Variants in USP12 observed in about 807,000 individuals in gnomAD.
USP12 encodes ubiquitin carboxyl-terminal hydrolase 12.
USP12 carries 19 observed loss-of-function variants against 45.5 expected under a neutral mutation model. The observed-to-expected ratio is 0.42, with a 90% CI of 0.29 to 0.61. The LOEUF (loss-of-function observed/expected upper bound fraction) is 0.61. USP12 is among the 20% of genes least tolerant of loss of function. The pLI, the probability that USP12 is intolerant of heterozygous loss-of-function variation, is 0.22. For synonymous variants in USP12, 149 were observed against 148.8 expected (o/e 1.00, Z -0.01); for missense variants, 242 against 447.7 (o/e 0.54, Z 4.15).
chr13:27,139,441 C>T lies in USP12; in HGVS notation c.49-22845G>A, dbSNP rs1306611001. Among the ~76,000 whole-genome samples the T allele has an allele frequency of 3.9e-5, 6 of 152,276 alleles. No individual in the cohort carries two copies. The South Asian group carries it at 6.2e-4, about 16-fold the overall frequency. On this transcript the variant is annotated intron_variant, in intron 1 of 8. Transcript: ENST00000282344. Reference sequence around the variant, plus strand: ...GACCAGCCTGGGCAACATGGTGAAACCCCATCTCTACTAAAAATACAAAAA... The same window carrying T: ...GACCAGCCTGGGCAACATGGTGAAATCCCATCTCTACTAAAAATACAAAAA...
intron 6 of USP12, among the ~76,000 whole-genome samples, chr13:27,087,653 A>T (rs908842449): frequency 6.6e-6 from 1 of 152,212 alleles, no homozygotes; most frequent in Non-Finnish European, 1.5e-5. Context: ...GTTTTCCCCT[A>T]AGAGAAACCA....
chr13:27,167,012 T>C (rs1031436331), intron 1 of USP12, among the ~76,000 whole-genome samples: 1 of 152,080 alleles, frequency 6.6e-6, no homozygotes, highest in Non-Finnish European at 1.5e-5. Flanking sequence ...TAAAACTATA[T>C]CTAGGGAATA....
intron 1 of USP12, among the ~76,000 whole-genome samples, chr13:27,134,127 G>A (rs1393903975): frequency 1.3e-5 from 2 of 152,226 alleles, no homozygotes; most frequent in Non-Finnish European, 2.9e-5. Flanking sequence ...CTGGGTCACA[G>A]AGCCAGACCC....
rs184259788 is a variant in USP12 at position 27,129,807 on chromosome 13, A to G, written c.49-13211T>C. Among the ~76,000 whole-genome samples the G allele has an allele frequency of 1.7e-3, 260 of 152,326 alleles. 1 individual carries two copies. Among genetic ancestry groups the G allele is most frequent in the African/African-American group, 5.9e-3 (246 of 41,566 alleles). On this transcript the variant is annotated intron_variant, in intron 1 of 8. Transcript: ENST00000282344. This position sits in a 1 kb window ranked among gnomAD's most constrained non-coding sequence, Gnocchi z 4.0. The stretch of plus-strand genomic sequence containing the variant: ...GTTTCGGTCTTTTCAACAACAAGAA[A>G]GCACCACTCTTTGATAAATGGTGGG...
intron 1 of USP12, among the ~76,000 whole-genome samples, chr13:27,144,081 A>G (rs368443524): frequency 1.3e-5 from 2 of 152,016 alleles, no homozygotes; most frequent in Non-Finnish European, 2.9e-5. Flanking sequence ...GCACATGCCT[A>G]TAGTCCCAGC....
intron 4 of USP12, among the ~76,000 whole-genome samples, chr13:27,092,729 C>G (rs1874374432): frequency 6.6e-6 from 1 of 152,040 alleles, no homozygotes; most frequent in Non-Finnish European, 1.5e-5. Context: ...CAAAAAGGAT[C>G]ATAGACTTAA....
intron 6 of USP12, among the ~76,000 whole-genome samples, chr13:27,080,586 A>G (rs1873705468): frequency 6.6e-6 from 1 of 152,178 alleles, no homozygotes; most frequent in Non-Finnish European, 1.5e-5. Flanking sequence ...AAGAGACTTG[A>G]GAGAGGAAAG....
intron 1 of USP12, among the ~76,000 whole-genome samples, chr13:27,154,516 T>A (rs1877726664): frequency 6.6e-6 from 1 of 152,198 alleles, no homozygotes; most frequent in African/African-American, 2.4e-5. Flanking sequence ...CACGTCTTAA[T>A]GTTCACTTAG....
At chr13:27,146,429 C>A (rs914534386) in intron 1 of USP12, among the ~76,000 whole-genome samples, 4 of 151,740 alleles carry the variant, frequency 2.6e-5, no homozygotes, top group African/African-American at 9.7e-5. Flanking sequence ...TAATAACGCA[C>A]ACGGCTAAAG....
At chr13:27,072,103 CTT>C (rs112073097) in intron 7 of USP12, among the ~76,000 whole-genome samples, 8,071 of 146,656 alleles carry the variant, frequency 0.055, 256 homozygotes, top group Middle Eastern at 0.099. Flanking sequence ...AACAAAAATA[CTT>C]TTTTTTTTTT....
chr13:27,108,142 A>AACAATGATAG (rs1419877877), intron 2 of USP12, among the ~76,000 whole-genome samples: 1 of 151,928 alleles, frequency 6.6e-6, no homozygotes, highest in African/African-American at 2.4e-5. Flanking sequence ...CCAAATGTCC[A>AACAATGATAG]ACAATGATAG....
chr13:27,113,409 T>G (rs535420879), intron 2 of USP12, among the ~76,000 whole-genome samples: 1 of 152,354 alleles, frequency 6.6e-6, no homozygotes, highest in South Asian at 2.1e-4. Context: ...GTGAACATGC[T>G]AAGATGTTCT....
chr13:27,094,961 A>G (rs1344677068), intron 4 of USP12, among the ~76,000 whole-genome samples: 2 of 137,636 alleles, frequency 1.5e-5, no homozygotes, highest in African/African-American at 5.1e-5. Context: ...CAGCCTGAGC[A>G]ACACAGTAAG....
intron 3 of USP12, among the ~76,000 whole-genome samples, chr13:27,099,001 A>AG (rs990949624): frequency 9.2e-5 from 14 of 152,184 alleles, no homozygotes; most frequent in Non-Finnish European, 1.6e-4. Context: ...TGTGAGTCTG[A>AG]GGGGGGCAGA....
intron 1 of USP12, among the ~76,000 whole-genome samples, chr13:27,159,374 C>G (rs982946082): frequency 3.3e-5 from 5 of 152,188 alleles, no homozygotes; most frequent in Non-Finnish European, 1.5e-5. Context: ...ACAGGCTGTT[C>G]CTAAAAATGT....
At chr13:27,167,435 A>C (rs2137850840) in intron 1 of USP12, among the ~76,000 whole-genome samples, 1 of 152,266 alleles carries the variant, frequency 6.6e-6, no homozygotes, top group South Asian at 2.1e-4. Context: ...GCTTAAATAA[A>C]ACTTCTATTA....
At chr13:27,072,430 G>A (rs564902810) in intron 7 of USP12, among the ~76,000 whole-genome samples, 2 of 152,298 alleles carry the variant, frequency 1.3e-5, no homozygotes, top group South Asian at 2.1e-4. Flanking sequence ...AATGAAATGA[G>A]AGATGAAGGG....
intron 2 of USP12, among the ~76,000 whole-genome samples, chr13:27,109,620 A>G (rs1875323307): frequency 6.6e-6 from 1 of 152,130 alleles, no homozygotes; most frequent in Non-Finnish European, 1.5e-5. Context: ...CAAACCAACT[A>G]TAAAAAGTCA....
chr13:27,073,179 A>G (rs992634180), intron 7 of USP12, among the ~76,000 whole-genome samples: 2 of 150,136 alleles, frequency 1.3e-5, no homozygotes, highest in Non-Finnish European at 3.0e-5. Context: ...GCATGAGGCA[A>G]TGAGAGTGAG....
Sources: gnomAD v4.1 joint callset for allele counts (sites outside exome capture counted in the v4.1 genomes callset) on GRCh38, gnomAD v4.1.1 for gene constraint, Gnocchi (gnomAD v3.1) non-coding constraint, MANE v1.5 for transcripts, NCBI Gene and HGNC (gene_info 2026-07-23, HGNC 2026-07-21) for gene names.